The following GTPBP4 variants were observed in gnomAD, a reference collection of about 807,000 sequenced individuals.
GTPBP4 encodes GTP binding protein 4.
In GTPBP4, 15 loss-of-function variants were observed where a neutral mutation model predicts 81.7. That is an observed-to-expected ratio of 0.18 (90% confidence interval 0.12 to 0.28). GTPBP4 has a LOEUF of 0.28. GTPBP4 is among the 10% of genes least tolerant of loss of function. GTPBP4 has a pLI of 1.00. For missense variants in GTPBP4, 847 were observed against 793.8 expected (o/e 1.07, Z -0.81); for synonymous variants, 272 against 274.6 (o/e 0.99, Z 0.09).
chr10:992,630 C>T lies in GTPBP4; in HGVS notation c.190C>T (p.Gln64Ter). ...ACAGAATTACCATGATAGACTTTCA[C>T]AAATTCTAACAGATTTCCCCAAATT... ...TQQNYHDRLS[Q>*]ILTDFPKLDD... Residue 64 changes from glutamine (Q) to a stop codon, truncating the protein, a stop_gained, in exon 2 of 17, where the codon CAA becomes TAA. Coordinates refer to ENST00000360803, the MANE Select transcript of GTPBP4 (RefSeq NM_012341.3). LOFTEE classifies it high-confidence loss of function. 6.2e-7 allele frequency: 1 copy of T among 1,606,126 alleles called. No individual in the cohort carries two copies. The highest frequency in any genetic ancestry group is 8.5e-7 in the Non-Finnish European group (1 of 1,174,358).
chr10:1,008,416 T>A (rs1319625018), intron 10 of GTPBP4: 5 of 345,556 alleles, frequency 1.4e-5, no homozygotes, highest in South Asian at 4.8e-5. Flanking sequence ...AAAAAAAAAA[T>A]TATCTTTTAT....
intron 10 of GTPBP4, 169 bp from the exon 11 acceptor site, chr10:1,008,789 C>T (rs1045185506): frequency 6.2e-6 from 4 of 644,806 alleles, no homozygotes; most frequent in African/African-American, 3.6e-5. Context: ...TAATTGGTCT[C>T]GGTATGAACC....
chr10:988,494 C>A lies in GTPBP4; in HGVS notation c.15C>A (p.Asn5Lys), dbSNP rs756809122. 6.2e-7 allele frequency: 1 copy of A among 1,613,382 alleles called. No homozygotes were observed. The highest frequency in any genetic ancestry group is 8.5e-7 in the Non-Finnish European group (1 of 1,179,720). The change falls in exon 1 of 17, where the codon AAC becomes AAA. Residue 5 changes from asparagine to lysine, a missense_variant. This residue lies in a region of GTPBP4 where 241 missense variants were observed against 216.3 expected (regional missense o/e 1.11). Coordinates refer to ENST00000360803, the MANE Select transcript of GTPBP4 (RefSeq NM_012341.3). MAHY[N>K]FKKITVVPSA... ...CGGCTGCCGGCATGGCACATTACAA[C>A]TTCAAGAAAATTACGGTGGTGCCGT...
chr10:1,019,914 A>ATGTG lies in GTPBP4; in HGVS notation c.*2688_*2689insGTGT. The stretch of plus-strand genomic sequence containing the variant: ...ACAGAAAAATAGAGAAAATAAACAC[A>ATGTG]TTTGTTTTCCTCAGAAAATGAACAC... On this transcript the variant is annotated 3_prime_UTR_variant, in exon 17 of 17. Coordinates refer to ENST00000360803, the MANE Select transcript of GTPBP4 (RefSeq NM_012341.3). The ATGTG allele has an allele frequency of 9.5e-7, 1 of 1,052,300 alleles. No homozygotes were observed. Among genetic ancestry groups the ATGTG allele is most frequent in the Non-Finnish European group, 1.4e-6 (1 of 703,904 alleles). The allele number at this position is 1,052,300 out of a possible 1,614,324, so 65.2% of individuals were successfully genotyped here.
At chr10:1,012,815 G>T (rs1440969661) in intron 14 of GTPBP4, among the ~76,000 whole-genome samples, 153 bp downstream of exon 14, 1 of 152,074 alleles carries the variant, frequency 6.6e-6, no homozygotes. Flanking sequence ...GATCGCTCAC[G>T]TATTGATCTT....
Position 1,010,491 on chromosome 10 carries a change from G to C in GTPBP4, c.1315G>C (p.Ala439Pro). Reference protein sequence around the residue: ...IPEIWEGHNIADYIDPAIMKK... With the variant: ...IPEIWEGHNIPDYIDPAIMKK... ...AGAAATCTGGGAAGGCCATAATATA[G>C]CTGATTATATTGATCCAGCCATCAT... Residue 439 changes from alanine (A) to proline (P), a missense_variant, in exon 13 of 17, where the codon GCT (alanine) becomes CCT (proline). This residue lies in a region of GTPBP4 where 600 missense variants were observed against 557.1 expected (regional missense o/e 1.08). Transcript: ENST00000360803. The C allele has an allele frequency of 3.8e-6, 6 of 1,560,574 alleles. No individual in the cohort carries two copies. Among genetic ancestry groups the C allele is most frequent in the African/African-American group, 1.4e-5 (1 of 73,994 alleles).
intron 14 of GTPBP4, among the ~76,000 whole-genome samples, chr10:1,013,219 A>G (rs2132173993): frequency 6.6e-6 from 1 of 152,004 alleles, no homozygotes; most frequent in East Asian, 2.0e-4. Flanking sequence ...CCTTACCTCA[A>G]GTGATCTGCC....
At chr10:989,269 C>T (rs1831400302) in intron 1 of GTPBP4, among the ~76,000 whole-genome samples, 2 of 152,056 alleles carry the variant, frequency 1.3e-5, no homozygotes, top group Non-Finnish European at 2.9e-5. Context: ...CGTGCACCAC[C>T]ACACCCAGCT....
rs1380167583 is a variant in GTPBP4, at chr10:1,000,846, T to C, written c.824T>C (p.Ile275Thr). The change falls in exon 7 of 17, where the codon ATC becomes ACC. Residue 275 changes from isoleucine (I) to threonine (T), a missense_variant. By Grantham distance (89) the Ile-to-Thr change is moderately conservative (BLOSUM62 -1). Transcript: ENST00000360803. ...GAGCAGCTAGAACTCTTCCAGAACA[T>C]CAGACCTCTCTTCATCAACAAGGTG... ...LREQLELFQN[I>T]RPLFINKPLI... is the part of the protein sequence containing the mutation. 1 of 1,610,942 alleles carries C rather than the reference T, an allele frequency of 6.2e-7. No individual in the cohort carries two copies. The highest frequency in any genetic ancestry group is 1.7e-5 in the Admixed American group (1 of 59,840).
intron 9 of GTPBP4, among the ~76,000 whole-genome samples, chr10:1,006,468 GTC>G (rs1831736323): frequency 6.6e-6 from 1 of 152,150 alleles, no homozygotes; most frequent in Non-Finnish European, 1.5e-5. Context: ...GTGAAACTCC[GTC>G]TCTCCTAAAA....
chr10:1,015,976 G>A, intron 16 of GTPBP4, 80 bp downstream of exon 16: 1 of 1,279,562 alleles, frequency 7.8e-7, no homozygotes, highest in Non-Finnish European at 1.1e-6. Flanking sequence ...AACACCAGCA[G>A]TTGCCATTTG....
rs1390916999 is a variant in GTPBP4, at chr10:1,015,887, G to T, written c.1743G>T (p.Arg581Ser). ...SRTPRDVSGLRDVKMVKKAKT... is the reference protein window; with the variant it reads ...SRTPRDVSGLSDVKMVKKAKT... The stretch of plus-strand genomic sequence containing the variant: ...CTCCACGTGACGTTTCTGGTCTTAG[G>T]GATGTCAAGGTCAGTCTCTGTGTTG... Residue 581 changes from arginine to serine, a missense_variant, in exon 16 of 17, where the codon AGG becomes AGT. By Grantham distance (110) the Arg-to-Ser change is moderately radical. This residue lies in a region of GTPBP4 where 600 missense variants were observed against 557.1 expected (regional missense o/e 1.08). Transcript: ENST00000360803. 6.2e-7 allele frequency: 1 copy of T among 1,612,120 alleles called. No individual in the cohort carries two copies. Among genetic ancestry groups the T allele is most frequent in the Non-Finnish European group, 8.5e-7 (1 of 1,178,780 alleles).
chr10:1,004,691 G>A (rs1024282347), intron 8 of GTPBP4, among the ~76,000 whole-genome samples: 4 of 152,166 alleles, frequency 2.6e-5, no homozygotes, highest in Non-Finnish European at 5.9e-5. Flanking sequence ...GCAGGGTACC[G>A]TTGGGTGCTA....
intron 10 of GTPBP4, 142 bp from the exon 11 acceptor site, chr10:1,008,816 A>G (rs1475577411): frequency 2.8e-6 from 2 of 719,454 alleles, no homozygotes; most frequent in African/African-American, 1.7e-5. Flanking sequence ...TCTCCCCTAA[A>G]ATAATCTGTT....
At chr10:1,014,197 A>G (rs943104751) in intron 14 of GTPBP4, 50 bp from the exon 15 acceptor site, 3 of 1,199,296 alleles carry the variant, frequency 2.5e-6, no homozygotes, top group Non-Finnish European at 2.5e-6. Context: ...GTTTTTTTCA[A>G]CATTTCATCA....
chr10:1,001,026 A>C lies in GTPBP4; in HGVS notation c.912+13A>C. 1 of 1,536,206 alleles carries C rather than the reference A, an allele frequency of 6.5e-7. No individual in the cohort carries two copies. Among genetic ancestry groups the C allele is most frequent in the Non-Finnish European group, 9.0e-7 (1 of 1,109,358 alleles). ...TGAAGATGATCAGGTAAATCACGTT[A>C]ATATTTTGAATATTTCTTACTTACC... is the stretch of plus-strand genomic sequence containing the variant. On this transcript the variant is annotated intron_variant, in intron 8 of 16. Coordinates refer to ENST00000360803, the MANE Select transcript of GTPBP4 (RefSeq NM_012341.3).
chr10:988,792 G>A (rs1831389077), intron 1 of GTPBP4: 2 of 432,288 alleles, frequency 4.6e-6, no homozygotes, highest in Non-Finnish European at 8.4e-6. Flanking sequence ...CAGAGATGGG[G>A]GTACACCCAG....
chr10:1,000,892 G>C, intron 7 of GTPBP4, 24 bp downstream of exon 7: 2 of 1,610,706 alleles, frequency 1.2e-6, no homozygotes, highest in Non-Finnish European at 8.5e-7. Flanking sequence ...CTCATGTTTT[G>C]CTTCATATCC....
At chr10:988,637 T>C in intron 1 of GTPBP4, 110 bp downstream of exon 1, 3 of 783,910 alleles carry the variant, frequency 3.8e-6, no homozygotes, top group Non-Finnish European at 6.6e-6. Context: ...CGCTCGCCCA[T>C]CCCCCGCTCC....
Sources: gnomAD v4.1 joint callset for allele counts (sites outside exome capture counted in the v4.1 genomes callset) on GRCh38, gnomAD v4.1.1 for gene constraint, gnomAD v4.1.1 regional missense constraint, MANE v1.5 for transcripts, NCBI Gene and HGNC (gene_info 2026-07-23, HGNC 2026-07-21) for gene names.